Variants in STK3 observed in about 807,000 individuals in gnomAD.
The protein encoded by STK3 is serine/threonine kinase 3.
A neutral mutation model predicts 58.0 loss-of-function variants in STK3; 41 were observed. The observed-to-expected ratio is 0.71, with a 90% confidence interval of 0.55 to 0.92. The LOEUF (loss-of-function observed/expected upper bound fraction) is 0.92. STK3 is among the 40% of genes least tolerant of loss of function. The pLI, the probability that STK3 is intolerant of heterozygous loss-of-function variation, is 0.00. For missense variants in STK3, 479 were observed against 602.7 expected (o/e 0.79, Z 2.15); for synonymous variants, 170 against 191.0 (o/e 0.89, Z 0.91).
intron 10 of STK3, among the ~76,000 whole-genome samples, chr8:98,458,048 T>G (rs554223774): frequency 6.6e-6 from 1 of 152,282 alleles, no homozygotes; most frequent in Admixed American, 6.5e-5. Flanking sequence ...AGTAAATTAA[T>G]GAAGTACCTA....
chr8:98,802,861 G>T (rs149341557), intron 1 of STK3, among the ~76,000 whole-genome samples: 64 of 152,304 alleles, frequency 4.2e-4, no homozygotes, highest in African/African-American at 1.5e-3. Context: ...AATATGTACA[G>T]AATTGAACCA....
intron 1 of STK3, among the ~76,000 whole-genome samples, chr8:98,384,364 G>A (rs998976604): frequency 6.6e-6 from 1 of 152,240 alleles, no homozygotes; most frequent in Non-Finnish European, 1.5e-5. Context: ...TTTGTGGAGT[G>A]TGCTTTCTTA....
chr8:98,414,554 TC>T (rs1447322179), intron 3 of STK3, among the ~76,000 whole-genome samples: 39 of 152,348 alleles, frequency 2.6e-4, no homozygotes, highest in African/African-American at 8.9e-4. Flanking sequence ...TGTAGCTCTT[TC>T]CACATTGGGT....
intron 4 of STK3, among the ~76,000 whole-genome samples, chr8:98,739,388 G>C (rs972402114): frequency 2.6e-5 from 4 of 151,780 alleles, no homozygotes; most frequent in Non-Finnish European, 5.9e-5. Flanking sequence ...GTACTCCTCT[G>C]AGACAAAACT....
intron 9 of STK3, among the ~76,000 whole-genome samples, chr8:98,537,764 T>C (rs1809891124): frequency 6.6e-6 from 1 of 152,148 alleles, no homozygotes; most frequent in Admixed American, 6.6e-5. Flanking sequence ...CTCATGGAAC[T>C]AAAAACCTAT....
chr8:98,711,977 G>T (rs550475677), intron 4 of STK3, among the ~76,000 whole-genome samples: 255 of 152,178 alleles, frequency 1.7e-3, no homozygotes, highest in African/African-American at 5.8e-3. Flanking sequence ...GGGGCCAATA[G>T]TCAAGATTCT....
intron 3 of STK3, among the ~76,000 whole-genome samples, chr8:98,404,831 A>G (rs1014134148): frequency 1.3e-5 from 2 of 152,180 alleles, no homozygotes; most frequent in African/African-American, 4.8e-5. Flanking sequence ...AGCCTGGGCA[A>G]CAGAGTGAGA....
chr8:98,633,438 G>C (rs1015420564), intron 6 of STK3: 6 of 508,264 alleles, frequency 1.2e-5, no homozygotes, highest in African/African-American at 1.2e-4. Flanking sequence ...AGGAGATTGA[G>C]ACTGCAGATT....
intron 9 of STK3, among the ~76,000 whole-genome samples, chr8:98,532,306 G>A (rs1586795504): frequency 1.3e-5 from 2 of 152,266 alleles, no homozygotes; most frequent in African/African-American, 4.8e-5. Context: ...AGAGAAAAGG[G>A]AGGCCTGAGG....
rs564434265 is a variant in STK3, at chr8:98,935,845, G to A, written c.-79+6533C>T. On this transcript the variant is annotated intron_variant, in intron 1 of 1. Coordinates refer to the STK3 transcript ENST00000519420. ...TTTGTAAGGTCAGTTCATGTTAATGGGTAAGAAAAAGTCATAACTACTAAG... is the reference window on the plus strand; with the variant it reads ...TTTGTAAGGTCAGTTCATGTTAATGAGTAAGAAAAAGTCATAACTACTAAG... Among the ~76,000 whole-genome samples, 15 of 152,130 alleles carry A rather than the reference G, an allele frequency of 9.9e-5. No individual in the cohort carries two copies. The South Asian group carries it at 3.1e-3, about 32-fold the overall frequency.
At chr8:98,517,441 A>C (rs1307828569) in intron 10 of STK3, among the ~76,000 whole-genome samples, 1 of 152,072 alleles carries the variant, frequency 6.6e-6, no homozygotes, top group East Asian at 1.9e-4. Flanking sequence ...TGTCAGCATT[A>C]ATTCAAGTAG....
chr8:98,423,761 T>G (rs1818197540), intron 3 of STK3, among the ~76,000 whole-genome samples: 2 of 152,188 alleles, frequency 1.3e-5, no homozygotes, highest in African/African-American at 4.8e-5. Flanking sequence ...AAGCTGCCAG[T>G]GCAGCCCCCT....
At chr8:98,615,228 C>T (rs1046702128) in intron 6 of STK3, among the ~76,000 whole-genome samples, 28 of 150,848 alleles carry the variant, frequency 1.9e-4, no homozygotes, top group Admixed American at 8.6e-4. Context: ...CAGGGTATTC[C>T]AACAGACCTG....
At chr8:98,658,019 A>G (rs1204348968) in intron 6 of STK3, among the ~76,000 whole-genome samples, 1 of 152,110 alleles carries the variant, frequency 6.6e-6, no homozygotes, top group East Asian at 1.9e-4. Flanking sequence ...CATAATAGGA[A>G]AAGTGGGAAG....
At chr8:98,358,912 C>A in the STK3 span, among the ~76,000 whole-genome samples, 206 of 152,202 alleles carry the variant, frequency 1.4e-3, no homozygotes, top group Non-Finnish European at 1.8e-3. Context: ...AAAAGCAGAG[C>A]CACCCCTGAG....
At chr8:98,935,431 C>G (rs1298828973) in intron 1 of STK3, among the ~76,000 whole-genome samples, 1 of 152,170 alleles carries the variant, frequency 6.6e-6, no homozygotes, top group Non-Finnish European at 1.5e-5. Flanking sequence ...TATTTTAATA[C>G]AATCTCCTTC....
chr8:98,718,790 A>G (rs1233111795), intron 4 of STK3, among the ~76,000 whole-genome samples: 1 of 152,006 alleles, frequency 6.6e-6, no homozygotes, highest in East Asian at 1.9e-4. Context: ...TAATATTGTT[A>G]TTTATTAATA....
intron 6 of STK3, among the ~76,000 whole-genome samples, chr8:98,627,066 G>A (rs906780014): frequency 6.6e-6 from 1 of 152,136 alleles, no homozygotes; most frequent in East Asian, 1.9e-4. Context: ...ATGGCTATGT[G>A]GCTTGGACTC....
chr8:98,395,256 G>A (rs1817887782), intron 3 of STK3, among the ~76,000 whole-genome samples: 1 of 151,974 alleles, frequency 6.6e-6, no homozygotes, highest in Non-Finnish European at 1.5e-5. Context: ...AACTATCAAT[G>A]TTGCAAATAC....
Sources: gnomAD v4.1 joint callset for allele counts (sites outside exome capture counted in the v4.1 genomes callset) on GRCh38, gnomAD v4.1.1 for gene constraint, MANE v1.5 for transcripts, NCBI Gene and HGNC (gene_info 2026-07-23, HGNC 2026-07-21) for gene names.